Variants in AFF3 observed in about 807,000 individuals in gnomAD.
AFF3 encodes the protein AF4/FMR2 family member 3.
A neutral mutation model predicts 129.7 loss-of-function variants in AFF3; 32 were observed. That is an observed-to-expected ratio of 0.25 (90% CI 0.19 to 0.33). AFF3 has a LOEUF of 0.33. AFF3 is among the 10% of genes least tolerant of loss of function. The pLI is 1.00. For synonymous variants in AFF3, 644 were observed against 635.4 expected, an observed-to-expected ratio of 1.01 and a Z score of -0.20; for missense variants, 1,373 against 1,592.0, an observed-to-expected ratio of 0.86 and a Z score of 2.34.
chr2:99,820,634 A>G (rs1399297423), intron 8 of AFF3, among the ~76,000 whole-genome samples: 1 of 150,508 alleles, frequency 6.6e-6, no homozygotes, highest in Non-Finnish European at 1.5e-5. Flanking sequence ...ATGAACTTTT[A>G]AAGTTTCTTA....
intron 4 of AFF3, among the ~76,000 whole-genome samples, chr2:100,094,987 G>A (rs201572789): frequency 0.21 from 25,709 of 123,260 alleles, 2,112 homozygotes; most frequent in East Asian, 0.31. Context: ...CAAAAGCCCA[G>A]ACAATGCATC....
At chr2:99,658,503 C>T (rs1385721736) in intron 12 of AFF3, among the ~76,000 whole-genome samples, 4 of 152,030 alleles carry the variant, frequency 2.6e-5, no homozygotes, top group Non-Finnish European at 4.4e-5. Context: ...TGTTACCACG[C>T]CTGGCTAATT....
intron 11 of AFF3, among the ~76,000 whole-genome samples, chr2:99,703,380 T>A (rs372857523): frequency 4.3e-4 from 65 of 152,296 alleles, no homozygotes; most frequent in African/African-American, 1.3e-3. Context: ...CATTATTCTA[T>A]CACAGTTTTT....
At chr2:99,857,179 CTAAA>C (rs1005619303) in intron 7 of AFF3, among the ~76,000 whole-genome samples, 5 of 152,136 alleles carry the variant, frequency 3.3e-5, no homozygotes, top group South Asian at 2.1e-4. Context: ...ATCTTTCACT[CTAAA>C]TAAATAAATA....
At chr2:99,737,096 A>G (rs978578365) in intron 10 of AFF3, among the ~76,000 whole-genome samples, 50 of 152,140 alleles carry the variant, frequency 3.3e-4, no homozygotes, top group African/African-American at 1.1e-3. Flanking sequence ...GTACCCTACA[A>G]ATTGCAAATA....
chr2:100,049,623 A>G (rs1429368736), intron 4 of AFF3, among the ~76,000 whole-genome samples: 1 of 152,244 alleles, frequency 6.6e-6, no homozygotes, highest in Non-Finnish European at 1.5e-5. Flanking sequence ...GTGACCTCAA[A>G]GAGTCTTTCA....
intron 12 of AFF3, among the ~76,000 whole-genome samples, chr2:99,670,895 A>T (rs1190505679): frequency 6.6e-6 from 1 of 152,254 alleles, no homozygotes; most frequent in Non-Finnish European, 1.5e-5. Flanking sequence ...GTACATTCAT[A>T]ACACAATATT....
intron 4 of AFF3, among the ~76,000 whole-genome samples, chr2:100,055,902 T>C (rs1228669949): frequency 6.6e-6 from 1 of 152,090 alleles, no homozygotes; most frequent in Non-Finnish European, 1.5e-5. Context: ...CCCAGCACAG[T>C]GGCTCACACC....
intron 10 of AFF3, among the ~76,000 whole-genome samples, chr2:99,727,654 C>T (rs1019079875): frequency 7.3e-5 from 11 of 151,578 alleles, no homozygotes; most frequent in South Asian, 2.1e-4. Context: ...CTCCACCTCC[C>T]GGGTTCAAGC....
chr2:99,775,130 T>C (rs1575943172), intron 8 of AFF3, among the ~76,000 whole-genome samples: 1 of 152,346 alleles, frequency 6.6e-6, no homozygotes, highest in Non-Finnish European at 1.5e-5. Context: ...AATGCTTTTA[T>C]ACTGTTGGTG....
At chr2:99,632,734 G>A (rs1428696077) in intron 13 of AFF3, among the ~76,000 whole-genome samples, 2 of 152,230 alleles carry the variant, frequency 1.3e-5, no homozygotes, top group Admixed American at 6.5e-5. Context: ...GGTGGAGACA[G>A]TTTTAGAAGC....
At chr2:100,118,233 AT>A (rs1691802937) in intron 2 of AFF3, among the ~76,000 whole-genome samples, 1 of 152,224 alleles carries the variant, frequency 6.6e-6, no homozygotes, top group African/African-American at 2.4e-5. Context: ...ATGCACATTT[AT>A]CCAAATAAAG....
intron 2 of AFF3, among the ~76,000 whole-genome samples, chr2:100,114,908 T>C (rs1691677618): frequency 6.6e-6 from 1 of 152,246 alleles, no homozygotes; most frequent in African/African-American, 2.4e-5. Flanking sequence ...ATTCAAGCCA[T>C]GCACAGCAGT....
At chr2:99,933,486 C>A (rs1674235204) in intron 7 of AFF3, among the ~76,000 whole-genome samples, 2 of 152,194 alleles carry the variant, frequency 1.3e-5, no homozygotes, top group Non-Finnish European at 2.9e-5. Context: ...TATCCCTCAC[C>A]TTGCCCCCCA....
intron 10 of AFF3, among the ~76,000 whole-genome samples, chr2:99,741,998 T>G (rs1389949508): frequency 6.6e-6 from 1 of 152,196 alleles, no homozygotes; most frequent in South Asian, 2.1e-4. Flanking sequence ...CAGAGAATTC[T>G]CAGACTTAAT....
chr2:100,098,217 T>A (rs1488986418), intron 4 of AFF3, among the ~76,000 whole-genome samples: 2 of 149,122 alleles, frequency 1.3e-5, no homozygotes, highest in African/African-American at 4.9e-5. Context: ...AAACCTCAAT[T>A]AAATTCCAAG....
chr2:99,697,119 C>A (rs1676364674), intron 11 of AFF3, among the ~76,000 whole-genome samples: 1 of 152,186 alleles, frequency 6.6e-6, no homozygotes, highest in Non-Finnish European at 1.5e-5. Context: ...GAATCTCAGT[C>A]CAGGGCAAAA....
intron 24 of AFF3, among the ~76,000 whole-genome samples, chr2:99,553,917 C>CAAAAAAAAAAAAAA (rs1674649199): frequency 2.8e-5 from 2 of 72,452 alleles, no homozygotes; most frequent in Non-Finnish European, 2.4e-5. Flanking sequence ...CTGTCTCAAA[C>CAAAAAAAAAAAAAA]CAAAAAAAAA....
intron 8 of AFF3, among the ~76,000 whole-genome samples, chr2:99,801,812 A>T (rs562662722): frequency 6.6e-6 from 1 of 152,174 alleles, no homozygotes; most frequent in African/African-American, 2.4e-5. Flanking sequence ...CTTATATATA[A>T]TTGTTATGTG....
Sources: gnomAD v4.1 joint callset for allele counts (sites outside exome capture counted in the v4.1 genomes callset) on GRCh38, gnomAD v4.1.1 for gene constraint, MANE v1.5 for transcripts, NCBI Gene and HGNC (gene_info 2026-07-23, HGNC 2026-07-21) for gene names.